The following DGUOK variants were observed in gnomAD, a reference collection of about 807,000 sequenced individuals.
DGUOK encodes deoxyguanosine kinase.
DGUOK carries 30 observed loss-of-function variants against 36.6 expected under a neutral mutation model. That is an observed-to-expected ratio of 0.82 (90% confidence interval 0.61 to 1.11). DGUOK has a LOEUF of 1.11. DGUOK is among the 50% of genes most tolerant of loss of function. The pLI, the probability that DGUOK is intolerant of heterozygous loss-of-function variation, is 0.00. For missense variants in DGUOK, 361 were observed against 336.4 expected (o/e 1.07, Z -0.57); for synonymous variants, 145 against 126.3 (o/e 1.15, Z -0.99).
intron 1 of DGUOK, among the ~76,000 whole-genome samples, chr2:73,937,531 A>G (rs758438488): frequency 6.6e-6 from 1 of 152,206 alleles, no homozygotes; most frequent in Non-Finnish European, 1.5e-5. Flanking sequence ...CAAATGCAGA[A>G]GGATTTGGTG....
At chr2:73,928,394 C>T (rs1680769071) in intron 1 of DGUOK, among the ~76,000 whole-genome samples, 1 of 152,212 alleles carries the variant, frequency 6.6e-6, no homozygotes, top group Non-Finnish European at 1.5e-5. Context: ...TCCCAAAGTG[C>T]TGGGATTATA....
Position 73,940,241 on chromosome 2 carries a change from C to T in DGUOK, c.255+1219C>T, listed in dbSNP as rs565066825. ...CAAGCCAAACACCTCCAGTTTTCCT[C>T]CAGGCTATTCTTTACTCTGAAGTAA... On this transcript the variant is annotated intron_variant, in intron 2 of 6. Coordinates refer to ENST00000264093, the MANE Select transcript of DGUOK (RefSeq NM_080916.3). Among the ~76,000 whole-genome samples the T allele has an allele frequency of 6.0e-4, 91 of 152,316 alleles. 6 individuals carry two copies. In the South Asian group the frequency reaches 0.018, roughly 30 times the overall value.
At chr2:73,952,514 A>G (rs1452166973) in intron 4 of DGUOK, among the ~76,000 whole-genome samples, 1 of 152,162 alleles carries the variant, frequency 6.6e-6, no homozygotes, top group Admixed American at 6.5e-5. Flanking sequence ...GTGAGGTTGG[A>G]TTGAGTAAAG....
intron 4 of DGUOK, among the ~76,000 whole-genome samples, chr2:73,955,640 C>T (rs371940543): frequency 3.3e-5 from 5 of 152,050 alleles, no homozygotes; most frequent in South Asian, 2.1e-4. Context: ...TTTGAGAAGC[C>T]GAAGCGGGCA....
chr2:73,943,104 AGTTG>A (rs747240073), intron 2 of DGUOK, among the ~76,000 whole-genome samples: 2 of 152,032 alleles, frequency 1.3e-5, no homozygotes, highest in Non-Finnish European at 2.9e-5. Flanking sequence ...TTATTTATAC[AGTTG>A]GTTGGTATTA....
chr2:73,955,984 C>A (rs1683057193), intron 4 of DGUOK, among the ~76,000 whole-genome samples: 1 of 152,152 alleles, frequency 6.6e-6, no homozygotes, highest in South Asian at 2.1e-4. Context: ...GAGGATAATT[C>A]AGTCAAAACA....
At chr2:73,947,035 C>A in intron 3 of DGUOK, 129 bp downstream of exon 3, 1 of 861,850 alleles carries the variant, frequency 1.2e-6, no homozygotes, top group Non-Finnish European at 1.9e-6. Context: ...TTTTTAAAGA[C>A]AACACTATAC....
At chr2:73,946,549 C>G (rs1327643863) in intron 2 of DGUOK, among the ~76,000 whole-genome samples, 170 bp from the exon 3 acceptor site, 2 of 152,156 alleles carry the variant, frequency 1.3e-5, no homozygotes, top group African/African-American at 4.8e-5. Context: ...GAAATTTTGA[C>G]TAAGCTGGGG....
intron 4 of DGUOK, among the ~76,000 whole-genome samples, chr2:73,952,973 T>G (rs1488033497): frequency 6.6e-6 from 1 of 152,120 alleles, no homozygotes; most frequent in African/African-American, 2.4e-5. Flanking sequence ...GAGGACCTCC[T>G]GCTGCCTCAT....
chr2:73,927,006 G>T lies in DGUOK; in HGVS notation c.96G>T (p.Leu32=). The change falls in exon 1 of 7, where the codon CTG becomes CTT. Residue 32 remains leucine (L), a synonymous_variant. Transcript: ENST00000264093. The stretch of plus-strand genomic sequence containing the variant: ...AGGGCGTTTCCTCCTCCAGAGGCCT[G>T]CACGCGGGGCGCGGGCCCCGAAGGC... The part of the protein sequence containing the change: ...PLEGVSSSRG[L]HAGRGPRRLS... 6.2e-7 allele frequency: 1 copy of T among 1,611,452 alleles called. No individual in the cohort carries two copies. The highest frequency in any genetic ancestry group is 8.5e-7 in the Non-Finnish European group (1 of 1,180,024).
chr2:73,940,125 C>T (rs1681794933), intron 2 of DGUOK, among the ~76,000 whole-genome samples: 1 of 152,170 alleles, frequency 6.6e-6, no homozygotes, highest in African/African-American at 2.4e-5. Context: ...TGGTCTCAAA[C>T]TCCTGGGCTC....
intron 2 of DGUOK, among the ~76,000 whole-genome samples, chr2:73,944,147 T>G (rs1190051420): frequency 6.6e-6 from 1 of 152,036 alleles, no homozygotes; most frequent in African/African-American, 2.4e-5. Context: ...GCCACCAGAG[T>G]AGCTGGGACT....
At position 73,957,991 on chromosome 2, in the gene DGUOK, G is replaced by A. The variant is rs1683250414; in HGVS notation, c.708-155G>A. ...CTTTCTGTTTCCGGCCAACTTTATT[G>A]AATTTGTTTTTTTAAATGCAGTTTA... On this transcript the variant is annotated intron_variant, in intron 5 of 6. Coordinates refer to ENST00000264093, the MANE Select transcript of DGUOK (RefSeq NM_080916.3). The A allele has an allele frequency of 8.0e-6, 5 of 623,430 alleles. No individual in the cohort carries two copies. In the South Asian group the frequency reaches 8.3e-5, roughly 10 times the overall value. The allele number at this position is 623,430 out of a possible 1,614,324, so 38.6% of individuals were successfully genotyped here.
In DGUOK at chr2:73,958,795, ATGT is replaced by A. The variant is rs1160944434; in HGVS notation, c.*63_*65del. 14 of 1,465,662 alleles carry A rather than the reference ATGT, an allele frequency of 9.6e-6. No homozygotes were observed. The highest frequency in any genetic ancestry group is 1.2e-5 in the Non-Finnish European group (13 of 1,044,138). 90.8% of individuals were successfully genotyped at this position (1,465,662 alleles called of 1,614,324 possible). ...TCCCTGACTTTCTGAAGCTAGAAAA[ATGT>A]TGTGTCTCCCAACCACCTTTCCATC... On this transcript the variant is annotated 3_prime_UTR_variant, in exon 7 of 7. Transcript: ENST00000264093.
At chr2:73,927,781 A>G (rs981238823) in intron 1 of DGUOK, among the ~76,000 whole-genome samples, 2 of 152,276 alleles carry the variant, frequency 1.3e-5, no homozygotes, top group African/African-American at 4.8e-5. Context: ...AAGGCAAAGC[A>G]TTTCGATTTA....
At chr2:73,953,277 G>GATGATC (rs1383904259) in intron 4 of DGUOK, among the ~76,000 whole-genome samples, 5 of 147,106 alleles carry the variant, frequency 3.4e-5, no homozygotes, top group Non-Finnish European at 4.5e-5. Flanking sequence ...TGATGATGAT[G>GATGATC]ATCATCATCA....
intron 4 of DGUOK, among the ~76,000 whole-genome samples, chr2:73,951,051 C>T (rs1464391347): frequency 6.6e-6 from 1 of 152,170 alleles, no homozygotes; most frequent in Non-Finnish European, 1.5e-5. Context: ...CCACTTGCCT[C>T]AGCTCCTCCT....
At position 73,945,964 on chromosome 2, in the gene DGUOK, AG is replaced by A. The variant is rs1234415935; in HGVS notation, c.256-752del. ...CTTGAACTCGGCTGGGGTGGGGAGG[AG>A]GGCGGAGGTTGCAGTGAGCCGGGAG... is the stretch of plus-strand genomic sequence containing the variant. On this transcript the variant is annotated intron_variant, in intron 2 of 6. Transcript: ENST00000264093. 3.4e-5 allele frequency among the ~76,000 whole-genome samples: 5 copies of A among 147,320 alleles called. No individual in the cohort carries two copies. The East Asian group carries it at 1.0e-3, about 30-fold the overall frequency.
Position 73,946,728 on chromosome 2 carries a change from G to T in DGUOK, c.265G>T (p.Ala89Ser). The change falls in exon 3 of 7, where the codon GCC becomes TCC. Residue 89 changes from alanine (A) to serine (S), a missense_variant. Physicochemically the swap from Ala to Ser is moderately conservative, Grantham distance 99. Coordinates refer to ENST00000264093, the MANE Select transcript of DGUOK (RefSeq NM_080916.3). ...QAAGTQKACT[A>S]QSLGNLLDMM... ...TTTCATCTCCCTCTAGGCCTGCACT[G>T]CCCAAAGTCTTGGAAACTTGCTGGA... The T allele has an allele frequency of 6.2e-7, 1 of 1,614,076 alleles. No homozygotes were observed. The highest frequency in any genetic ancestry group is 8.5e-7 in the Non-Finnish European group (1 of 1,180,034).
Sources: allele counts gnomAD v4.1 joint callset (sites outside exome capture counted in the v4.1 genomes callset), GRCh38; gene constraint gnomAD v4.1.1; transcripts MANE v1.5; gene names NCBI Gene and HGNC (gene_info 2026-07-23, HGNC 2026-07-21).